Variants in NT5DC4 observed in about 807,000 individuals in gnomAD.
NT5DC4 encodes the protein 5'-nucleotidase domain-containing protein 4.
NT5DC4 carries 44 observed loss-of-function variants against 26.6 expected under a neutral mutation model. The observed-to-expected ratio is 1.65, with a 90% CI of 1.30 to 2.13. The LOEUF (loss-of-function observed/expected upper bound fraction) is 2.13. Ranked by LOEUF, NT5DC4 falls within the 30% of genes most tolerant of loss-of-function variation. The pLI, the probability that NT5DC4 is intolerant of heterozygous loss-of-function variation, is 0.00. For missense variants in NT5DC4, 399 were observed against 228.1 expected, an observed-to-expected ratio of 1.75 and a Z score of -4.83; for synonymous variants, 157 against 86.7, an observed-to-expected ratio of 1.81 and a Z score of -4.51.
chr2:112,740,833 A>C, downstream of NT5DC4: 1 of 1,611,074 alleles, frequency 6.2e-7, no homozygotes, highest in Non-Finnish European at 8.5e-7. Flanking sequence ...GATTGGACCA[A>C]TCTGTAATTT....
chr2:112,735,777 T>C (rs1679072180), intron 16 of NT5DC4, among the ~76,000 whole-genome samples: 1 of 152,148 alleles, frequency 6.6e-6, no homozygotes, highest in Non-Finnish European at 1.5e-5. Flanking sequence ...CACAATCATT[T>C]CCACAACCTT....
chr2:112,719,136 G>A (rs562095736), upstream of NT5DC4, among the ~76,000 whole-genome samples: 10 of 152,308 alleles, frequency 6.6e-5, no homozygotes, highest in East Asian at 5.8e-4. Flanking sequence ...TACACACCTC[G>A]GCTGCAGGGT....
downstream of NT5DC4, chr2:112,741,157 C>T (rs757904732): frequency 1.5e-5 from 10 of 646,824 alleles, no homozygotes; most frequent in Non-Finnish European, 2.7e-5. Context: ...TGAAGTGTGA[C>T]TTATAACTTG....
downstream of NT5DC4, chr2:112,742,761 T>C (rs575277420): frequency 1.9e-5 from 31 of 1,608,082 alleles, no homozygotes; most frequent in East Asian, 6.2e-4. Context: ...TCCGCAACTC[T>C]TGTATTGGCT....
At chr2:112,723,910 C>T (rs920060298) in intron 9 of NT5DC4, 108 bp downstream of exon 9, 5 of 692,630 alleles carry the variant, frequency 7.2e-6, no homozygotes, top group East Asian at 2.7e-5. Flanking sequence ...CAAGACCCTC[C>T]TACCCCCACC....
downstream of NT5DC4, chr2:112,740,796 G>A (rs760025632): frequency 7.6e-6 from 12 of 1,574,788 alleles, no homozygotes; most frequent in African/African-American, 1.6e-4. Context: ...TGAACACAAA[G>A]TCTGCTTTAG....
At chr2:112,734,980 G>A (rs4849117) in intron 16 of NT5DC4, among the ~76,000 whole-genome samples, 6 of 147,312 alleles carry the variant, frequency 4.1e-5, no homozygotes, top group African/African-American at 1.3e-4. Context: ...GTGAGCCACC[G>A]CACCCAGTCT....
chr2:112,722,161 C>G lies in NT5DC4; in HGVS notation c.267-22C>G, dbSNP rs564023581. 3,472 of 582,496 alleles carry G rather than the reference C, an allele frequency of 6.0e-3. 26 individuals carry two copies. Among genetic ancestry groups the G allele is most frequent in the South Asian group, 0.014 (869 of 63,198 alleles). The allele number at this position is 582,496 out of a possible 1,614,324, so 36.1% of individuals were successfully genotyped here. A position where few individuals can be genotyped will look rare whatever the true frequency, so the allele number is the denominator to read the frequency against. ...GGCCTTGGTACCCCCACCCACAGTG[C>G]CCCCCGACCCCCCGTCTGCAGGCGG... On this transcript the variant is annotated intron_variant, in intron 3 of 16. Coordinates refer to ENST00000688554, the MANE Select transcript of NT5DC4 (RefSeq NM_001393655.1).
chr2:112,720,524 G>A (rs1030904164), upstream of NT5DC4, among the ~76,000 whole-genome samples: 2 of 152,126 alleles, frequency 1.3e-5, no homozygotes, highest in Admixed American at 1.3e-4. Flanking sequence ...CAGTGGTTCT[G>A]CTTTTTGACA....
In NT5DC4 at chr2:112,726,776, A is replaced by AGGGAAGGGACAGGCCCAGCG. The variant is rs760250469; in HGVS notation, c.1266+41_1266+42insAAGGGACAGGCCCAGCGGGG. 39 of 717,412 alleles carry AGGGAAGGGACAGGCCCAGCG rather than the reference A, an allele frequency of 5.4e-5. No homozygotes were observed. In the South Asian group the frequency reaches 5.5e-4, roughly 10 times the overall value. The allele number at this position is 717,412 out of a possible 1,614,324, so 44.4% of individuals were successfully genotyped here. ...TGGCGAGGGAAGGGACAGGCCCAGC[A>AGGGAAGGGACAGGCCCAGCG]GGGGCGGAGCCGGGTTCACTTCCCC... On this transcript the variant is annotated intron_variant, in intron 15 of 16. Transcript: ENST00000688554.
rs1491525703 is a variant in NT5DC4, at chr2:112,723,362, C to CACACACACACACACACAG, written c.622-39_622-38insGACACACACACACACACA. 5 of 508,636 alleles carry CACACACACACACACACAG rather than the reference C, an allele frequency of 9.8e-6. No homozygotes were observed. The African/African-American group carries it at 3.6e-4, about 37-fold the overall frequency. The allele number at this position is 508,636 out of a possible 1,614,324, so 31.5% of individuals were successfully genotyped here. ...ACAGACATGTGGGTGGGTACACATG[C>CACACACACACACACACAG]ACACACACACACACACACACACACA... On this transcript the variant is annotated intron_variant, in intron 7 of 16. Coordinates refer to ENST00000688554, the MANE Select transcript of NT5DC4 (RefSeq NM_001393655.1).
chr2:112,735,484 C>A (rs924272495), intron 16 of NT5DC4, among the ~76,000 whole-genome samples: 1 of 115,724 alleles, frequency 8.6e-6, no homozygotes, highest in African/African-American at 3.2e-5. Flanking sequence ...TATAATCCTC[C>A]CCCCCCTTTT....
Position 112,723,710 on chromosome 2 carries a change from C to G in NT5DC4, c.673-9C>G. The stretch of plus-strand genomic sequence containing the variant: ...CCCACCCCTGCAAGTCCCTCTATCT[C>G]TGCCCCAGCCACGCCTCCCCATCCT... On this transcript the variant is annotated splice_polypyrimidine_tract_variant and intron_variant, in intron 8 of 16. Coordinates refer to ENST00000688554, the MANE Select transcript of NT5DC4 (RefSeq NM_001393655.1). 1.4e-6 allele frequency: 1 copy of G among 716,846 alleles called. No homozygotes were observed. The highest frequency in any genetic ancestry group is 2.6e-6 in the Non-Finnish European group (1 of 384,834). The allele number at this position is 716,846 out of a possible 1,614,324, so 44.4% of individuals were successfully genotyped here.
intron 16 of NT5DC4, 54 bp from the exon 17 acceptor site, chr2:112,738,859 C>A (rs1198611598): frequency 8.9e-5 from 143 of 1,613,504 alleles, no homozygotes; most frequent in African/African-American, 1.3e-5. Context: ...ATGTTACAGG[C>A]AGCGCCTCAT....
In NT5DC4 at chr2:112,723,720, C is replaced by T. The variant is rs1483121931; in HGVS notation, c.674C>T (p.Pro225Leu). 1 of 716,972 alleles carries T rather than the reference C, an allele frequency of 1.4e-6. No individual in the cohort carries two copies. Among genetic ancestry groups the T allele is most frequent in the Non-Finnish European group, 2.6e-6 (1 of 384,988 alleles). The allele number at this position is 716,972 out of a possible 1,614,324, so 44.4% of individuals were successfully genotyped here. ...EDLEKYVKKDPRLPILLGKMK... is the reference protein window; with the variant it reads ...EDLEKYVKKDLRLPILLGKMK... ...CAAGTCCCTCTATCTCTGCCCCAGC[C>T]ACGCCTCCCCATCCTGCTGGGGAAG... The change falls in exon 9 of 17, where the codon CCA becomes CTA. Residue 225 changes from proline (P) to leucine (L), a missense_variant and splice_region_variant. Physicochemically the swap from Pro to Leu is moderately conservative, Grantham distance 98. Transcript: ENST00000688554.
At chr2:112,721,253 G>A (rs17042278) in intron 1 of NT5DC4, among the ~76,000 whole-genome samples, 100 bp downstream of exon 1, 7,120 of 152,248 alleles carry the variant, frequency 0.047, 350 homozygotes, top group Admixed American at 0.11. Flanking sequence ...ACAGCTATGG[G>A]GACTCCCAAA....
rs192284236 is a variant in NT5DC4, at chr2:112,722,297, G to A, written c.362+19G>A. The stretch of plus-strand genomic sequence containing the variant: ...TCTCGGAGTAAGGGACAAAGGTGCC[G>A]GGAGAGTGGCAGGCCAGGAGGGGAG... On this transcript the variant is annotated intron_variant, in intron 4 of 16. Transcript: ENST00000688554. The A allele has an allele frequency of 1.5e-5, 11 of 716,994 alleles. No individual in the cohort carries two copies. Among genetic ancestry groups the A allele is most frequent in the East Asian group, 8.0e-5 (3 of 37,292 alleles). 44.4% of individuals were successfully genotyped at this position (716,994 alleles called of 1,614,324 possible). A position where few individuals can be genotyped will look rare whatever the true frequency, so the allele number is the denominator to read the frequency against.
chr2:112,721,442 T>A (rs1485762018), intron 1 of NT5DC4: 12 of 717,202 alleles, frequency 1.7e-5, no homozygotes, highest in Non-Finnish European at 3.1e-5. Flanking sequence ...AAACACATCA[T>A]CTCTGAATTT....
At chr2:112,726,813 G>A in intron 15 of NT5DC4, 75 bp downstream of exon 15, 1 of 715,264 alleles carries the variant, frequency 1.4e-6, no homozygotes, top group African/African-American at 1.7e-5. Context: ...CTGCTTGCCT[G>A]TCGGCTTTGT....
Sources: gnomAD v4.1 joint callset for allele counts (sites outside exome capture counted in the v4.1 genomes callset) on GRCh38, gnomAD v4.1.1 for gene constraint, MANE v1.5 for transcripts, NCBI Gene and HGNC (gene_info 2026-07-23, HGNC 2026-07-21) for gene names.